PKN3: variants seen among roughly 807,000 people sequenced by gnomAD.
PKN3 encodes serine/threonine-protein kinase N3.
Under a neutral mutation model 113.1 loss-of-function variants are expected in PKN3, and 91 were observed. The observed-to-expected ratio is 0.80, with a 90% CI of 0.68 to 0.96. PKN3 has a LOEUF of 0.96. PKN3 is among the 40% of genes least tolerant of loss of function. The pLI is 0.00. For missense variants in PKN3, 1,052 were observed against 1,202.2 expected (o/e 0.88, Z 1.85); for synonymous variants, 467 against 499.0 (o/e 0.94, Z 0.85).
intron 18 of PKN3, among the ~76,000 whole-genome samples, chr9:128,719,338 T>C (rs192362863): frequency 3.1e-3 from 471 of 151,430 alleles, no homozygotes; most frequent in African/African-American, 0.01. Context: ...TACAGGCACA[T>C]GCCACCACAC....
chr9:128,713,174 C>G lies in PKN3; in HGVS notation c.958C>G (p.Gln320Glu). ...CTGGCTTCGGACCAAGGCCAAGCACCAGCGTGGCCGAGGCGAGCTTGCCAG... is the reference window on the plus strand; with the variant it reads ...CTGGCTTCGGACCAAGGCCAAGCACGAGCGTGGCCGAGGCGAGCTTGCCAG... ...EGWLRTKAKH[Q>E]RGRGELASEV... Residue 320 changes from glutamine (Q) to glutamate (E), a missense_variant, in exon 7 of 22, where the codon CAG (glutamine) becomes GAG (glutamate). Transcript: ENST00000291906. The G allele has an allele frequency of 6.2e-7, 1 of 1,608,456 alleles. No individual in the cohort carries two copies. Among genetic ancestry groups the G allele is most frequent in the Non-Finnish European group, 8.5e-7 (1 of 1,176,064 alleles).
In PKN3 at chr9:128,716,918, G is replaced by C. The variant is rs1007688598; in HGVS notation, c.1980G>C (p.Gln660His). 3 of 1,613,448 alleles carry C rather than the reference G, an allele frequency of 1.9e-6. No homozygotes were observed. In the African/African-American group the frequency reaches 4.0e-5, roughly 22 times the overall value. The part of the protein sequence containing the change: ...QIHEDVFPEP[Q>H]ARFYVACVVL... The stretch of plus-strand genomic sequence containing the variant: ...ACGAGGATGTCTTCCCCGAGCCCCA[G>C]GCCCGGTGGGTTCCATCCCTCCTGC... The change falls in exon 16 of 22, where the codon CAG becomes CAC. Residue 660 changes from glutamine to histidine, a missense_variant. Coordinates refer to ENST00000291906, the MANE Select transcript of PKN3 (RefSeq NM_013355.5).
chr9:128,713,544 C>A lies in PKN3; in HGVS notation c.1138C>A (p.Leu380Ile), dbSNP rs1048811555. Residue 380 changes from leucine (L) to isoleucine (I), a missense_variant, in exon 9 of 22, where the codon CTA (leucine) becomes ATA (isoleucine). This residue lies in a region of PKN3 where 719 missense variants were observed against 759.4 expected (regional missense o/e 0.95). Coordinates refer to ENST00000291906, the MANE Select transcript of PKN3 (RefSeq NM_013355.5). ...IGVHWRDWRQLCGVAFLRLED... is the reference protein window; with the variant it reads ...IGVHWRDWRQICGVAFLRLED... Reference sequence around the variant, plus strand: ...GGTACACTGGCGGGACTGGCGGCAGCTATGTGGCGTGGCCTTCCTGAGACT... The same window carrying A: ...GGTACACTGGCGGGACTGGCGGCAGATATGTGGCGTGGCCTTCCTGAGACT... 6.8e-6 allele frequency: 11 copies of A among 1,613,810 alleles called. No homozygotes were observed. Among genetic ancestry groups the A allele is most frequent in the Non-Finnish European group, 2.5e-6 (3 of 1,180,000 alleles).
In PKN3 at chr9:128,716,819, C is replaced by T. The variant is rs751615465; in HGVS notation, c.1881C>T (p.Ala627=). The change falls in exon 16 of 22, where the codon GCC becomes GCT. Residue 627 remains alanine, a synonymous_variant. Transcript: ENST00000291906. ...TGHPFLLSLL[A]CFQTSSHACF... ...ACCCTTTCCTGCTCTCCCTCCTTGC[C>T]TGCTTCCAGACCTCCAGCCATGCCT... 1.2e-6 allele frequency: 2 copies of T among 1,614,106 alleles called. No individual in the cohort carries two copies. The highest frequency in any genetic ancestry group is 1.1e-5 in the South Asian group (1 of 91,086).
Position 128,720,175 on chromosome 9 carries a change from CTAAG to C in PKN3, c.2377-26_2377-23del, listed in dbSNP as rs751701774. On this transcript the variant is annotated intron_variant, in intron 20 of 21. Transcript: ENST00000291906. The surrounding 1 kb of genome is among the most constrained non-coding windows in gnomAD (Gnocchi z 5.5). Reference sequence around the variant, plus strand: ...ATGGCAGTGCCTGGGGCTGAATGCCCTAAGTGAGCGCCTGTCCTATTGCCCAGCT... The same window carrying C: ...ATGGCAGTGCCTGGGGCTGAATGCCCTGAGCGCCTGTCCTATTGCCCAGCT... 6 of 1,607,452 alleles carry C rather than the reference CTAAG, an allele frequency of 3.7e-6. No homozygotes were observed. Among genetic ancestry groups the C allele is most frequent in the Non-Finnish European group, 4.3e-6 (5 of 1,175,684 alleles).
chr9:128,719,727 C>T lies in PKN3; in HGVS notation c.2167C>T (p.Pro723Ser), dbSNP rs1223910354. Residue 723 changes from proline (P) to serine (S), a missense_variant, in exon 19 of 22, where the codon CCG (proline) becomes TCG (serine). By Grantham distance (74) the Pro-to-Ser change is moderately conservative. This residue lies in a region of PKN3 where 333 missense variants were observed against 442.8 expected (regional missense o/e 0.75). Transcript: ENST00000291906. ...GDRTSTFCGTPEFLAPEVLTQ... is the reference protein window; with the variant it reads ...GDRTSTFCGTSEFLAPEVLTQ... ...CCGGACTAGCACCTTCTGTGGCACC[C>T]CGGAGTTCCTGGCTCCCGAGGTGCT... is the stretch of plus-strand genomic sequence containing the variant. 3 of 1,590,104 alleles carry T rather than the reference C, an allele frequency of 1.9e-6. No individual in the cohort carries two copies. In the Admixed American group the frequency reaches 5.2e-5, roughly 27 times the overall value.
At chr9:128,713,235 C>T in intron 7 of PKN3, 37 bp downstream of exon 7, 1 of 1,610,330 alleles carries the variant, frequency 6.2e-7, no homozygotes, top group Non-Finnish European at 8.5e-7. Flanking sequence ...AGCAGGAGAC[C>T]CCTGCTTCAG....
At position 128,702,901 on chromosome 9, in the gene PKN3, G is replaced by C; in HGVS notation, c.-15G>C. On this transcript the variant is annotated 5_prime_UTR_variant, in exon 1 of 22. Transcript: ENST00000291906. Reference sequence around the variant, plus strand: ...AGTGGCTGAGAGAAGGGCCCCAAGCGGCCGGAGCGGCGCCATGGAGGAGGG... The same window carrying C: ...AGTGGCTGAGAGAAGGGCCCCAAGCCGCCGGAGCGGCGCCATGGAGGAGGG... The C allele has an allele frequency of 1.3e-6, 2 of 1,484,330 alleles. No individual in the cohort carries two copies. The highest frequency in any genetic ancestry group is 2.5e-5 in the South Asian group (2 of 79,352). 91.9% of individuals were successfully genotyped at this position (1,484,330 alleles called of 1,614,324 possible). A position where few individuals can be genotyped will look rare whatever the true frequency, so the allele number is the denominator to read the frequency against.
intron 19 of PKN3, 33 bp from the exon 20 acceptor site, chr9:128,719,877 C>T (rs1378015865): frequency 1.2e-6 from 2 of 1,609,790 alleles, no homozygotes; most frequent in Non-Finnish European, 8.5e-7. Context: ...GGTGGGGTGG[C>T]CCGTGCATCC....
chr9:128,703,478 C>A (rs1861916031), intron 1 of PKN3: 1 of 985,302 alleles, frequency 1.0e-6, no homozygotes, highest in Non-Finnish European at 1.2e-6. Context: ...GGGTACATAG[C>A]GGGTTCTAGA....
Position 128,720,495 on chromosome 9 carries a change from A to G in PKN3, c.2559A>G (p.Thr853=), listed in dbSNP as rs1045682646. 34 of 1,613,026 alleles carry G rather than the reference A, an allele frequency of 2.1e-5. No individual in the cohort carries two copies. The highest frequency in any genetic ancestry group is 2.7e-5 in the Non-Finnish European group (32 of 1,179,992). ...ADLRYFEGEF[T]GLPPALTPPA... ...TGCGCTACTTTGAGGGCGAGTTCAC[A>G]GGGCTGCCGCCTGCCCTGACCCCAC... The change falls in exon 22 of 22, where the codon ACA becomes ACG. Residue 853 remains threonine (T), a synonymous_variant. Coordinates refer to ENST00000291906, the MANE Select transcript of PKN3 (RefSeq NM_013355.5). The surrounding 1 kb of genome is among the most constrained non-coding windows in gnomAD (Gnocchi z 5.5).
chr9:128,717,117 C>CTTTTTTGTTTTTTTTTTT (rs1862363627), intron 16 of PKN3, among the ~76,000 whole-genome samples, 194 bp downstream of exon 16: 1 of 24,364 alleles, frequency 4.1e-5, no homozygotes, highest in Non-Finnish European at 8.1e-5. Flanking sequence ...CATTAGGTTT[C>CTTTTTTGTTTTTTTTTTT]TTTTTTTTTT....
rs149314391 is a variant in PKN3, at chr9:128,714,231, C to T, written c.1347C>T (p.Leu449=). 62 of 1,613,882 alleles carry T rather than the reference C, an allele frequency of 3.8e-5. No individual in the cohort carries two copies. In the Admixed American group the frequency reaches 8.0e-4, roughly 21 times the overall value. The change falls in exon 11 of 22, where the codon CTC becomes CTT. Residue 449 remains leucine (L), a synonymous_variant. Transcript: ENST00000291906. ...QDFLRASQMN[L]GMAAWGRLVM... ...TCCTGAGGGCTTCGCAGATGAACCT[C>T]GGCATGGCGGCCTGGGGGCGCCTCG...
chr9:128,714,396 C>A (rs1390081392), intron 11 of PKN3, 31 bp downstream of exon 11: 2 of 1,576,868 alleles, frequency 1.3e-6, no homozygotes, highest in East Asian at 2.2e-5. Flanking sequence ...AGACTGCATG[C>A]TCCTCTGTGG....
In PKN3 at chr9:128,717,720, T is replaced by TAA. The variant is rs568178531; in HGVS notation, c.1986-589_1986-588dup. Among the ~76,000 whole-genome samples the TAA allele has an allele frequency of 6.2e-3, 611 of 99,284 alleles. 5 individuals carry two copies. Among genetic ancestry groups the TAA allele is most frequent in the East Asian group, 0.052 (180 of 3,452 alleles). The allele number at this position is 99,284 out of a possible 152,430, so 65.1% of individuals were successfully genotyped here. A position where few individuals can be genotyped will look rare whatever the true frequency, so the allele number is the denominator to read the frequency against. On this transcript the variant is annotated intron_variant, in intron 16 of 21. Coordinates refer to ENST00000291906, the MANE Select transcript of PKN3 (RefSeq NM_013355.5). ...TCTGGCGACAGAGTGAGACTCCATC[T>TAA]AAAAAAAAAAAAAAAAAGGCCGGGC... is the stretch of plus-strand genomic sequence containing the variant.
At position 128,714,860 on chromosome 9, in the gene PKN3, C is replaced by G. The variant is rs375042146; in HGVS notation, c.1647C>G (p.Pro549=). ...TRRGPSPPAS[P]TRKPPRLQDF... is the part of the protein sequence containing the mutation. ...GTGGGCCATCTCCACCAGCCTCCCCCACCAGGTACCCCATCCTGCGCACCT... is the reference window on the plus strand; with the variant it reads ...GTGGGCCATCTCCACCAGCCTCCCCGACCAGGTACCCCATCCTGCGCACCT... Residue 549 remains proline, a synonymous_variant, in exon 13 of 22, where the codon CCC becomes CCG. Transcript: ENST00000291906. The G allele has an allele frequency of 1.7e-5, 28 of 1,613,742 alleles. No individual in the cohort carries two copies. Among genetic ancestry groups the G allele is most frequent in the Middle Eastern group, 1.7e-4 (1 of 6,058 alleles).
rs570482817 is a variant in PKN3, at chr9:128,709,454, C to CA, written c.835+2061dup. On this transcript the variant is annotated intron_variant, in intron 6 of 21. Transcript: ENST00000291906. ...AGCCTGGGCAACAGAGAGCCCGTCTCAAAAAAAAAAAATTAGGCTGGGCAC... is the reference window on the plus strand; with the variant it reads ...AGCCTGGGCAACAGAGAGCCCGTCTCAAAAAAAAAAAAATTAGGCTGGGCAC... Among the ~76,000 whole-genome samples the CA allele has an allele frequency of 2.7e-3, 353 of 132,250 alleles. 4 individuals carry two copies. The South Asian group carries it at 0.029, about 11-fold the overall frequency. 86.8% of individuals were successfully genotyped at this position (132,250 alleles called of 152,430 possible). A position where few individuals can be genotyped will look rare whatever the true frequency, so the allele number is the denominator to read the frequency against.
chr9:128,716,491 G>A (rs960754866), intron 15 of PKN3, among the ~76,000 whole-genome samples: 8 of 151,810 alleles, frequency 5.3e-5, no homozygotes, highest in Non-Finnish European at 7.4e-5. Context: ...CCAGCTACTC[G>A]GGAGGCTGAG....
chr9:128,704,080 G>A, intron 1 of PKN3: 1 of 985,354 alleles, frequency 1.0e-6, no homozygotes, highest in Non-Finnish European at 1.2e-6. Context: ...CCCTGAGTCT[G>A]GGGTTGCGGC....
Sources: gnomAD v4.1 joint callset for allele counts (sites outside exome capture counted in the v4.1 genomes callset) on GRCh38, gnomAD v4.1.1 for gene constraint, gnomAD v4.1.1 regional missense constraint, Gnocchi (gnomAD v3.1) non-coding constraint, MANE v1.5 for transcripts, NCBI Gene and HGNC (gene_info 2026-07-23, HGNC 2026-07-21) for gene names.